The following HDDC3 variants were observed in gnomAD, a reference collection of about 807,000 sequenced individuals.
HDDC3 encodes guanosine-3',5'-bis(diphosphate) 3'-pyrophosphohydrolase MESH1.
HDDC3 carries 18 observed loss-of-function variants against 19.1 expected under a neutral mutation model. That is an observed-to-expected ratio of 0.94 (90% confidence interval 0.65 to 1.40). The LOEUF (loss-of-function observed/expected upper bound fraction) is 1.40, where lower values mean the gene tolerates loss of function less well. HDDC3 is among the 40% of genes most tolerant of loss of function. The pLI is 0.00. For synonymous variants in HDDC3, 107 were observed against 99.4 expected, an observed-to-expected ratio of 1.08 and a Z score of -0.46; for missense variants, 250 against 228.9, an observed-to-expected ratio of 1.09 and a Z score of -0.59.
Position 90,932,105 on chromosome 15 carries a change from C to G in HDDC3, c.118G>C (p.Ala40Pro). The change falls in exon 2 of 4, where the codon GCA (alanine) becomes CCA (proline). Residue 40 changes from alanine to proline, a missense_variant. Coordinates refer to ENST00000394272, the MANE Select transcript of HDDC3 (RefSeq NM_001286451.2). ...TPYINHPIGV[A>P]RILTHEAGIT... The stretch of plus-strand genomic sequence containing the variant: ...CCCGCCTCGTGGGTCAGGATCCGTG[C>G]CACACCTGACGGGGAGGGGCAAAGC... 6.3e-7 allele frequency: 1 copy of G among 1,594,146 alleles called. No homozygotes were observed. The highest frequency in any genetic ancestry group is 8.6e-7 in the Non-Finnish European group (1 of 1,168,012).
At position 90,932,061 on chromosome 15, in the gene HDDC3, C is replaced by T. The variant is rs1464845641; in HGVS notation, c.162G>A (p.Val54=). 2 of 1,612,984 alleles carry T rather than the reference C, an allele frequency of 1.2e-6. No homozygotes were observed. Among genetic ancestry groups the T allele is most frequent in the Admixed American group, 3.3e-5 (2 of 59,902 alleles). The change falls in exon 2 of 4, where the codon GTG becomes GTA. Residue 54 remains valine, a synonymous_variant. Coordinates refer to ENST00000394272, the MANE Select transcript of HDDC3 (RefSeq NM_001286451.2). ...AGAGAAGGGGGAAAGTTACCTGTAA[C>T]ACCACAATGTCAGTGATTCCCGCCT... ...THEAGITDIV[V]LQAALLHDTV... is the part of the protein sequence containing the mutation.
In HDDC3 at chr15:90,930,231, C is replaced by T. The variant is rs2035743760; in HGVS notation, c.*1044G>A. On this transcript the variant is annotated 3_prime_UTR_variant, in exon 4 of 4. Coordinates refer to ENST00000394272, the MANE Select transcript of HDDC3 (RefSeq NM_001286451.2). ...GCGGAAGGGCGAGGGGATTGCGAGT[C>T]ACCGAGTTTCCCGCGCGGCTTGAGG... is the stretch of plus-strand genomic sequence containing the variant. 1 of 152,212 alleles carries T rather than the reference C, an allele frequency of 6.6e-6. No individual in the cohort carries two copies. Among genetic ancestry groups the T allele is most frequent in the Admixed American group, 6.5e-5 (1 of 15,286 alleles). 9.4% of individuals were successfully genotyped at this position (152,212 alleles called of 1,614,324 possible). A position where few individuals can be genotyped will look rare whatever the true frequency, so the allele number is the denominator to read the frequency against.
chr15:90,930,016 TA>T lies in HDDC3; in HGVS notation c.*1258del, dbSNP rs755724271. 6.6e-6 allele frequency: 1 copy of T among 152,012 alleles called. No homozygotes were observed. Among genetic ancestry groups the T allele is most frequent in the Non-Finnish European group, 1.5e-5 (1 of 68,014 alleles). 9.4% of individuals were successfully genotyped at this position (152,012 alleles called of 1,614,324 possible). Reference sequence around the variant, plus strand: ...ATGACTGGATGCAGAATAAAATACATAAAAATAAACCTCAGCTGCTCAGCAA... The same window carrying T: ...ATGACTGGATGCAGAATAAAATACATAAAATAAACCTCAGCTGCTCAGCAA... On this transcript the variant is annotated 3_prime_UTR_variant, in exon 4 of 4. Transcript: ENST00000394272.
At chr15:90,931,426 A>G (rs2035786111) in intron 3 of HDDC3, 21 bp from the exon 4 acceptor site, 1 of 1,605,566 alleles carries the variant, frequency 6.2e-7, no homozygotes, top group African/African-American at 1.3e-5. Flanking sequence ...GTCGACAGAA[A>G]CTTGCTAGCG....
In HDDC3 at chr15:90,932,480, G is replaced by GC; in HGVS notation, c.60dup (p.Gln21AlafsTer31). 2 of 1,311,340 alleles carry GC rather than the reference G, an allele frequency of 1.5e-6. No individual in the cohort carries two copies. Among genetic ancestry groups the GC allele is most frequent in the Non-Finnish European group, 9.7e-7 (1 of 1,030,802 alleles). The allele number at this position is 1,311,340 out of a possible 1,614,324, so 81.2% of individuals were successfully genotyped here. A position where few individuals can be genotyped will look rare whatever the true frequency, so the allele number is the denominator to read the frequency against. ...CCCTCGGGGTCCTTCCGCCGCTGCTGCCGGTGCTTGCGAGCCGCGAAGTCG... is the reference window on the plus strand; with the variant it reads ...CCCTCGGGGTCCTTCCGCCGCTGCTGCCCGGTGCTTGCGAGCCGCGAAGTCG... On this transcript the variant is annotated frameshift_variant, in exon 1 of 4. Transcript: ENST00000394272. LOFTEE classifies it high-confidence loss of function.
chr15:90,931,476 C>T, intron 3 of HDDC3, 71 bp from the exon 4 acceptor site: 1 of 1,614,134 alleles, frequency 6.2e-7, no homozygotes, highest in Non-Finnish European at 8.5e-7. Context: ...CACTTCCTGG[C>T]AAGCTTGGTT....
Position 90,931,015 on chromosome 15 carries a change from G to T in HDDC3, c.*260C>A. On this transcript the variant is annotated 3_prime_UTR_variant, in exon 4 of 4. Transcript: ENST00000394272. Reference sequence around the variant, plus strand: ...CCTGAGGGGCCAGAGATCCCACCATGCAAAATAGCAAACAGACCCAAGACT... The same window carrying T: ...CCTGAGGGGCCAGAGATCCCACCATTCAAAATAGCAAACAGACCCAAGACT... 2.2e-6 allele frequency: 1 copy of T among 455,856 alleles called. No individual in the cohort carries two copies. Among genetic ancestry groups the T allele is most frequent in the Non-Finnish European group, 4.0e-6 (1 of 249,622 alleles). The allele number at this position is 455,856 out of a possible 1,614,324, so 28.2% of individuals were successfully genotyped here. A position where few individuals can be genotyped will look rare whatever the true frequency, so the allele number is the denominator to read the frequency against.
chr15:90,930,839 G>C lies in HDDC3; in HGVS notation c.*436C>G, dbSNP rs2035764482. On this transcript the variant is annotated 3_prime_UTR_variant, in exon 4 of 4. Transcript: ENST00000394272. The stretch of plus-strand genomic sequence containing the variant: ...CGCAACCTGAGGGAGGTGACTCCGG[G>C]ACACACAATTAGTCCTGCTTTGCTG... The C allele has an allele frequency of 1.0e-5, 2 of 197,506 alleles. No homozygotes were observed. Among genetic ancestry groups the C allele is most frequent in the South Asian group, 1.5e-4 (2 of 12,904 alleles). 12.2% of individuals were successfully genotyped at this position (197,506 alleles called of 1,614,324 possible).
At position 90,931,863 on chromosome 15, in the gene HDDC3, G is replaced by A; in HGVS notation, c.250C>T (p.Arg84Cys). Reference protein sequence around the residue: ...VELHFGAQVRRLVEEVTDDKT... With the variant: ...VELHFGAQVRCLVEEVTDDKT... ...TCATCTGTTACCTCCTCCACCAGGC[G>A]CCGCACTTGTGCCCCAAAGTGTAGC... The change falls in exon 3 of 4, where the codon CGC becomes TGC. Residue 84 changes from arginine (R) to cysteine (C), a missense_variant. Transcript: ENST00000394272. The A allele has an allele frequency of 6.2e-7, 1 of 1,614,058 alleles. No individual in the cohort carries two copies. The highest frequency in any genetic ancestry group is 2.2e-5 in the East Asian group (1 of 44,872).
At position 90,931,599 on chromosome 15, in the gene HDDC3, T is replaced by C. The variant is rs535250483; in HGVS notation, c.409+105A>G. The C allele has an allele frequency of 3.1e-6, 5 of 1,614,062 alleles. No individual in the cohort carries two copies. In the South Asian group the frequency reaches 5.5e-5, roughly 18 times the overall value. Reference sequence around the variant, plus strand: ...AAAGAGTGGTCCAGTAGGATTAATTTGGGAATTAAGAATGCCCAGGGTTTT... The same window carrying C: ...AAAGAGTGGTCCAGTAGGATTAATTCGGGAATTAAGAATGCCCAGGGTTTT... On this transcript the variant is annotated intron_variant, in intron 3 of 3. Transcript: ENST00000394272.
rs201409981 is a variant in HDDC3 at position 90,931,849 on chromosome 15, C to T, written c.264G>A (p.Glu88=). ...TGGGCAGAGTCTTGTCATCTGTTAC[C>T]TCCTCCACCAGGCGCCGCACTTGTG... ...FGAQVRRLVE[E]VTDDKTLPKL... is the part of the protein sequence containing the mutation. The change falls in exon 3 of 4, where the codon GAG becomes GAA. Residue 88 remains glutamate, a synonymous_variant. Coordinates refer to ENST00000394272, the MANE Select transcript of HDDC3 (RefSeq NM_001286451.2). The T allele has an allele frequency of 6.2e-7, 1 of 1,614,150 alleles. No individual in the cohort carries two copies. The highest frequency in any genetic ancestry group is 8.5e-7 in the Non-Finnish European group (1 of 1,180,032).
intron 1 of HDDC3, 153 bp downstream of exon 1, chr15:90,932,276 G>T: frequency 2.4e-6 from 2 of 845,570 alleles, no homozygotes; most frequent in Non-Finnish European, 3.6e-6. Flanking sequence ...GAACGATCAT[G>T]CCTACCGTTC....
Position 90,931,842 on chromosome 15 carries a change from C to G in HDDC3, c.271G>C (p.Asp91His). The G allele has an allele frequency of 7.4e-6, 12 of 1,614,164 alleles. No individual in the cohort carries two copies. Among genetic ancestry groups the G allele is most frequent in the Non-Finnish European group, 1.0e-5 (12 of 1,180,026 alleles). Reference protein sequence around the residue: ...QVRRLVEEVTDDKTLPKLERK... With the variant: ...QVRRLVEEVTHDKTLPKLERK... ...TCCAGCTTGGGCAGAGTCTTGTCAT[C>G]TGTTACCTCCTCCACCAGGCGCCGC... Residue 91 changes from aspartate to histidine, a missense_variant, in exon 3 of 4, where the codon GAT becomes CAT. Asp to His is a moderately conservative substitution (Grantham distance 81). Coordinates refer to ENST00000394272, the MANE Select transcript of HDDC3 (RefSeq NM_001286451.2).
At position 90,931,755 on chromosome 15, in the gene HDDC3, G is replaced by C. The variant is rs2035801320; in HGVS notation, c.358C>G (p.Leu120Val). Residue 120 changes from leucine to valine, a missense_variant, in exon 3 of 4, where the codon CTG becomes GTG. Leu to Val is a conservative substitution (Grantham distance 32). Coordinates refer to ENST00000394272, the MANE Select transcript of HDDC3 (RefSeq NM_001286451.2). ...HSSPGAKLVKLADKLYNLRDL... is the reference protein window; with the variant it reads ...HSSPGAKLVKVADKLYNLRDL... The stretch of plus-strand genomic sequence containing the variant: ...CTCAGATTGTACAGCTTGTCTGCCA[G>C]CTTCACCAGTTTGGCCCCGGGGCTA... The C allele has an allele frequency of 1.9e-6, 3 of 1,614,152 alleles. No homozygotes were observed. The highest frequency in any genetic ancestry group is 2.2e-5 in the South Asian group (2 of 91,088).
chr15:90,931,892 A>C lies in HDDC3; in HGVS notation c.221T>G (p.Val74Gly). Reference sequence around the variant, plus strand: ...CACTTGTGCCCCAAAGTGTAGCTCCACCTCATCCAGGGTGGTGTCTGTGTC... The same window carrying C: ...CACTTGTGCCCCAAAGTGTAGCTCCCCCTCATCCAGGGTGGTGTCTGTGTC... ...VEDTDTTLDE[V>G]ELHFGAQVRR... Residue 74 changes from valine to glycine, a missense_variant, in exon 3 of 4, where the codon GTG (valine) becomes GGG (glycine). By Grantham distance (109) the Val-to-Gly change is moderately radical. Coordinates refer to ENST00000394272, the MANE Select transcript of HDDC3 (RefSeq NM_001286451.2). The C allele has an allele frequency of 6.2e-7, 1 of 1,614,002 alleles. No homozygotes were observed.
chr15:90,931,836 T>C lies in HDDC3; in HGVS notation c.277A>G (p.Lys93Glu). 1.2e-6 allele frequency: 2 copies of C among 1,614,152 alleles called. No individual in the cohort carries two copies. The highest frequency in any genetic ancestry group is 8.5e-7 in the Non-Finnish European group (1 of 1,180,020). ...RRLVEEVTDD[K>E]TLPKLERKRL... The stretch of plus-strand genomic sequence containing the variant: ...TTTCTCTCCAGCTTGGGCAGAGTCT[T>C]GTCATCTGTTACCTCCTCCACCAGG... Residue 93 changes from lysine (K) to glutamate (E), a missense_variant, in exon 3 of 4, where the codon AAG (lysine) becomes GAG (glutamate). Lys to Glu is a moderately conservative substitution (Grantham distance 56, BLOSUM62 1). Transcript: ENST00000394272.
chr15:90,932,405 G>T, intron 1 of HDDC3, 24 bp downstream of exon 1: 1 of 1,302,492 alleles, frequency 7.7e-7, no homozygotes. Context: ...GCCGCAGCCG[G>T]CGCTCCGCGG....
chr15:90,931,666 C>A (rs1167413946), intron 3 of HDDC3, 38 bp downstream of exon 3: 1 of 1,613,754 alleles, frequency 6.2e-7, no homozygotes, highest in Admixed American at 1.7e-5. Context: ...AGGCGGCATC[C>A]CCCTCCCTTT....
At position 90,930,833 on chromosome 15, in the gene HDDC3, C is replaced by T. The variant is rs1374880297; in HGVS notation, c.*442G>A. 4 of 195,232 alleles carry T rather than the reference C, an allele frequency of 2.0e-5. No individual in the cohort carries two copies. The highest frequency in any genetic ancestry group is 1.1e-4 in the Admixed American group (2 of 18,808). 12.1% of individuals were successfully genotyped at this position (195,232 alleles called of 1,614,324 possible). The stretch of plus-strand genomic sequence containing the variant: ...GAGGCCCGCAACCTGAGGGAGGTGA[C>T]TCCGGGACACACAATTAGTCCTGCT... On this transcript the variant is annotated 3_prime_UTR_variant, in exon 4 of 4. Coordinates refer to ENST00000394272, the MANE Select transcript of HDDC3 (RefSeq NM_001286451.2).
Sources: gnomAD v4.1 joint callset for allele counts on GRCh38, gnomAD v4.1.1 for gene constraint, MANE v1.5 for transcripts, NCBI Gene and HGNC (gene_info 2026-07-23, HGNC 2026-07-21) for gene names.